Variants in FREM3 observed in about 807,000 individuals in gnomAD.
The protein encoded by FREM3 is FRAS1 related extracellular matrix 3, also known as FRAS1-related extracellular matrix protein 3.
A neutral mutation model predicts 129.1 loss-of-function variants in FREM3; 105 were observed. The ratio of observed to expected loss-of-function variants is 0.81; its 90% CI spans 0.69 to 0.96. FREM3 has a LOEUF of 0.96. Among genes scored for constraint, FREM3 ranks in the 40% least tolerant of loss-of-function variants. FREM3 has a pLI of 0.00. For missense variants in FREM3, 2,593 were observed against 2,666.3 expected (o/e 0.97, Z 0.61); for synonymous variants, 1,014 against 1,044.9 (o/e 0.97, Z 0.57).
chr4:143,692,104 A>T (rs903961969), intron 2 of FREM3, among the ~76,000 whole-genome samples: 1 of 152,082 alleles, frequency 6.6e-6, no homozygotes, highest in African/African-American at 2.4e-5. Context: ...AATTTTTTTT[A>T]AAAAGAACAA....
rs1740225722 is a variant in FREM3 at position 143,680,220 on chromosome 4, A to T, written c.5275+12893T>A. Among the ~76,000 whole-genome samples the T allele has an allele frequency of 2.0e-5, 3 of 151,232 alleles. No homozygotes were observed. In the South Asian group the frequency reaches 6.2e-4, roughly 31 times the overall value. ...GTATACATTTTAGACCTTCCCCTAT[A>T]TATATATATATGTATATATGGAATA... On this transcript the variant is annotated intron_variant, in intron 2 of 7. Coordinates refer to ENST00000329798, the MANE Select transcript of FREM3 (RefSeq NM_001168235.2).
rs2149863984 is a variant in FREM3, at chr4:143,695,873, C to T, written c.4803G>A (p.Leu1601=). 6.5e-7 allele frequency: 1 copy of T among 1,537,476 alleles called. No individual in the cohort carries two copies. Among genetic ancestry groups the T allele is most frequent in the South Asian group, 1.2e-5 (1 of 84,036 alleles). The change falls in exon 1 of 8, where the codon CTG becomes CTA. Residue 1601 remains leucine, a synonymous_variant. Transcript: ENST00000329798. ...RPVTTFTKQD[L]NKNLISYKHD... is the part of the protein sequence containing the mutation. Reference sequence around the variant, plus strand: ...GCTTGTAGCTAATCAGGTTCTTGTTCAGGTCTTGCTTGGTGAAAGTGGTCA... The same window carrying T: ...GCTTGTAGCTAATCAGGTTCTTGTTTAGGTCTTGCTTGGTGAAAGTGGTCA...
intron 2 of FREM3, among the ~76,000 whole-genome samples, chr4:143,661,826 A>G (rs551703950): frequency 6.6e-6 from 1 of 152,248 alleles, no homozygotes; most frequent in South Asian, 2.1e-4. Context: ...GGGAGGGTGT[A>G]TGTGTGAAGG....
In FREM3 at chr4:143,698,064, C is replaced by T. The variant is rs772261858; in HGVS notation, c.2612G>A (p.Gly871Asp). 2 of 1,537,296 alleles carry T rather than the reference C, an allele frequency of 1.3e-6. No homozygotes were observed. Among genetic ancestry groups the T allele is most frequent in the South Asian group, 1.2e-5 (1 of 84,056 alleles). The change falls in exon 1 of 8, where the codon GGT becomes GAT. Residue 871 changes from glycine (G) to aspartate (D), a missense_variant. By Grantham distance (94) the Gly-to-Asp change is moderately conservative (BLOSUM62 -1). Transcript: ENST00000329798. Reference protein sequence around the residue: ...IDQIVFILVRGPQHGHLQYFK... With the variant: ...IDQIVFILVRDPQHGHLQYFK... ...GTACTGCAAGTGTCCATGTTGGGGA[C>T]CCCGGACTAATATGAAGACAATTTG...
rs1342044434 is a variant in FREM3 at position 143,699,125 on chromosome 4, G to A, written c.1551C>T (p.Ile517=). 1 of 1,537,416 alleles carries A rather than the reference G, an allele frequency of 6.5e-7. No homozygotes were observed. Among genetic ancestry groups the A allele is most frequent in the Non-Finnish European group, 8.7e-7 (1 of 1,146,960 alleles). Residue 517 remains isoleucine, a synonymous_variant, in exon 1 of 8, where the codon ATC becomes ATT. Coordinates refer to ENST00000329798, the MANE Select transcript of FREM3 (RefSeq NM_001168235.2). This position sits in a 1 kb window ranked among gnomAD's most constrained non-coding sequence, Gnocchi z 4.2. ...GGTGCCCGTCCTCCATCCGGAAGAT[G>A]ATATTGTCACTGTAGGTGTTGCTGC... ...HDGSNTYSDN[I]IFRMEDGHHQ... is the part of the protein sequence containing the mutation.
chr4:143,577,614 A>G lies in FREM3; in HGVS notation c.6417T>C (p.Asp2139=), dbSNP rs977496896. ...TTTTTTTCCCTCTTAAAGTCTTTCA[A>G]TCAAAGGAACTACAAGCACTCTGCT... The part of the protein sequence containing the change: ...DCKQSACSSF[D] The change falls in exon 8 of 8, where the codon GAT becomes GAC. Residue 2139 remains aspartate, a synonymous_variant. Transcript: ENST00000329798. The G allele has an allele frequency of 2.6e-6, 4 of 1,536,234 alleles. No homozygotes were observed. In the African/African-American group the frequency reaches 5.5e-5, roughly 21 times the overall value.
At chr4:143,658,078 G>A (rs1377005081) in intron 2 of FREM3, among the ~76,000 whole-genome samples, 2 of 152,142 alleles carry the variant, frequency 1.3e-5, no homozygotes, top group African/African-American at 2.4e-5. Flanking sequence ...CTCTTTTCTA[G>A]TTTTGTCTCT....
At chr4:143,620,307 C>T (rs578085164) in intron 5 of FREM3, among the ~76,000 whole-genome samples, 2 of 152,350 alleles carry the variant, frequency 1.3e-5, no homozygotes, top group African/African-American at 4.8e-5. Flanking sequence ...TCTCATGCTT[C>T]TGCCTGTTGG....
intron 2 of FREM3, among the ~76,000 whole-genome samples, chr4:143,671,079 C>A (rs1739956817): frequency 6.6e-6 from 1 of 152,110 alleles, no homozygotes; most frequent in Non-Finnish European, 1.5e-5. Context: ...CAATGGTAAT[C>A]AATATTACTT....
At chr4:143,588,019 A>G (rs972044723) in intron 6 of FREM3, among the ~76,000 whole-genome samples, 3 of 152,046 alleles carry the variant, frequency 2.0e-5, no homozygotes, top group South Asian at 2.1e-4. Flanking sequence ...CTTAACCCCA[A>G]TGCAGTCCCT....
chr4:143,581,020 C>T (rs549613009), intron 7 of FREM3, among the ~76,000 whole-genome samples: 11 of 152,278 alleles, frequency 7.2e-5, no homozygotes, highest in African/African-American at 2.6e-4. Flanking sequence ...AGTAGCAGTG[C>T]CACCATTTTT....
In FREM3 at chr4:143,698,003, C is replaced by T. The variant is rs755852137; in HGVS notation, c.2673G>A (p.Met891Ile). The T allele has an allele frequency of 5.9e-6, 9 of 1,537,428 alleles. No homozygotes were observed. In the South Asian group the frequency reaches 1.1e-4, roughly 18 times the overall value. The change falls in exon 1 of 8, where the codon ATG (methionine) becomes ATA (isoleucine). Residue 891 changes from methionine to isoleucine, a missense_variant. Coordinates refer to ENST00000329798, the MANE Select transcript of FREM3 (RefSeq NM_001168235.2). ...KRCMVPGESFMQADVINGSVS... is the reference protein window; with the variant it reads ...KRCMVPGESFIQADVINGSVS... ...CACTCCCGTTAATAACATCAGCTTG[C>T]ATGAAAGATTCCCCTGGGACCATAC...
At chr4:143,693,403 A>C (rs1426407014) in intron 1 of FREM3, among the ~76,000 whole-genome samples, 1 of 152,238 alleles carries the variant, frequency 6.6e-6, no homozygotes, top group African/African-American at 2.4e-5. Flanking sequence ...ATGAGGTACC[A>C]TCTCACCCCA....
At chr4:143,629,317 C>T (rs1389374040) in intron 2 of FREM3, among the ~76,000 whole-genome samples, 6 of 152,132 alleles carry the variant, frequency 3.9e-5, no homozygotes, top group East Asian at 1.9e-4. Context: ...AGCCCTCCTT[C>T]GCACTGCAGG....
intron 2 of FREM3, among the ~76,000 whole-genome samples, chr4:143,660,287 C>T (rs1001263590): frequency 6.6e-6 from 1 of 152,040 alleles, no homozygotes; most frequent in African/African-American, 2.4e-5. Flanking sequence ...GATCCAGTTT[C>T]AGCTTTCTAC....
intron 6 of FREM3, among the ~76,000 whole-genome samples, chr4:143,601,635 G>C (rs1479766359): frequency 6.6e-6 from 1 of 152,136 alleles, no homozygotes; most frequent in African/African-American, 2.4e-5. Flanking sequence ...TCTAAAGCCA[G>C]GTGAATAAAT....
rs190768934 is a variant in FREM3, at chr4:143,648,257, A to T, written c.5276-20497T>A. ...CTAGGAAGTAGCTAACTTGCTTTTG[A>T]TTTTACAGGCTCTTAGGCAGAAGGG... On this transcript the variant is annotated intron_variant, in intron 2 of 7. Transcript: ENST00000329798. Among the ~76,000 whole-genome samples the T allele has an allele frequency of 3.0e-3, 464 of 152,280 alleles. 2 individuals are homozygous for T. The highest frequency in any genetic ancestry group is 4.9e-3 in the Non-Finnish European group (331 of 68,022).
Position 143,699,376 on chromosome 4 carries a change from C to T in FREM3, c.1300G>A (p.Val434Met). The T allele has an allele frequency of 1.3e-6, 2 of 1,537,332 alleles. No homozygotes were observed. The highest frequency in any genetic ancestry group is 1.7e-6 in the Non-Finnish European group (2 of 1,146,928). The change falls in exon 1 of 8, where the codon GTG (valine) becomes ATG (methionine). Residue 434 changes from valine to methionine, a missense_variant. This residue lies in a region of FREM3 where 2,276 missense variants were observed against 2,267.2 expected (regional missense o/e 1.00). Transcript: ENST00000329798. The surrounding 1 kb of genome is among the most constrained non-coding windows in gnomAD (Gnocchi z 4.2). ...ACAAGTCCCCTGTTATGGCTAGCCA[C>T]TGGGACCAGAGTATTCATGGATTTC... ...TVKSMNTLVP[V>M]ASHNRGLVLF...
At chr4:143,613,882 G>GT (rs1738801453) in intron 5 of FREM3, among the ~76,000 whole-genome samples, 1 of 152,138 alleles carries the variant, frequency 6.6e-6, no homozygotes. Flanking sequence ...ATAACTATCT[G>GT]TATTAAACCT....
Sources: gnomAD v4.1 joint callset for allele counts (sites outside exome capture counted in the v4.1 genomes callset) on GRCh38, gnomAD v4.1.1 for gene constraint, gnomAD v4.1.1 regional missense constraint, Gnocchi (gnomAD v3.1) non-coding constraint, MANE v1.5 for transcripts, NCBI Gene and HGNC (gene_info 2026-07-23, HGNC 2026-07-21) for gene names.